The following NRXN1 variants were observed in gnomAD, a reference collection of about 807,000 sequenced individuals.
NRXN1 encodes neurexin 1.
Under a neutral mutation model 150.9 loss-of-function variants are expected in NRXN1, and 39 were observed. That is an observed-to-expected ratio of 0.26 (90% CI 0.20 to 0.34). NRXN1 has a LOEUF of 0.34. NRXN1 is among the 10% of genes least tolerant of loss of function. NRXN1 has a pLI of 1.00. For synonymous variants in NRXN1, 924 were observed against 757.0 expected, an observed-to-expected ratio of 1.22 and a Z score of -3.62; for missense variants, 1,815 against 1,949.9, an observed-to-expected ratio of 0.93 and a Z score of 1.30.
chr2:51,021,810 A>G (rs1376188489), intron 2 of NRXN1, among the ~76,000 whole-genome samples: 3 of 152,088 alleles, frequency 2.0e-5, no homozygotes, highest in African/African-American at 7.2e-5. Context: ...TATCTTCAAT[A>G]AGCTATTAAT....
At chr2:50,540,777 G>A (rs1346815022) in intron 9 of NRXN1, among the ~76,000 whole-genome samples, 2 of 151,750 alleles carry the variant, frequency 1.3e-5, no homozygotes, top group South Asian at 2.1e-4. Flanking sequence ...CTCTCATGCC[G>A]CAGCCTCCCA....
chr2:50,231,709 T>G (rs569418864), intron 18 of NRXN1, among the ~76,000 whole-genome samples: 8 of 152,130 alleles, frequency 5.3e-5, no homozygotes, highest in African/African-American at 9.6e-5. Context: ...CCAATGCACA[T>G]GTTAATATTT....
intron 18 of NRXN1, among the ~76,000 whole-genome samples, chr2:50,231,131 G>A (rs1258459446): frequency 1.3e-5 from 2 of 152,032 alleles, no homozygotes; most frequent in African/African-American, 4.8e-5. Context: ...TGATTTACAG[G>A]ACTGAATCTG....
intron 17 of NRXN1, among the ~76,000 whole-genome samples, chr2:50,338,677 A>AT (rs776687652): frequency 1.3e-5 from 2 of 151,758 alleles, no homozygotes; most frequent in African/African-American, 2.4e-5. Flanking sequence ...CTTCTTTCAA[A>AT]TGTGCTTGGA....
intron 18 of NRXN1, among the ~76,000 whole-genome samples, chr2:50,153,699 G>T (rs957573489): frequency 2.6e-5 from 4 of 151,694 alleles, no homozygotes; most frequent in Admixed American, 1.3e-4. Flanking sequence ...TCCAAAAAAA[G>T]AAAGAAGAAA....
At chr2:50,352,901 A>C (rs2078527931) in intron 17 of NRXN1, among the ~76,000 whole-genome samples, 1 of 151,846 alleles carries the variant, frequency 6.6e-6, no homozygotes, top group South Asian at 2.1e-4. Context: ...TTATTTATGA[A>C]GTGTTTATTT....
intron 17 of NRXN1, among the ~76,000 whole-genome samples, chr2:50,242,958 C>T (rs1033976387): frequency 2.0e-5 from 3 of 151,446 alleles, no homozygotes; most frequent in African/African-American, 7.3e-5. Context: ...CAGGTCGAAA[C>T]AAAAAATGTC....
At chr2:50,877,811 G>A (rs1678831592) in intron 5 of NRXN1, among the ~76,000 whole-genome samples, 1 of 151,892 alleles carries the variant, frequency 6.6e-6, no homozygotes, top group South Asian at 2.1e-4. Context: ...GAGGAGCTTA[G>A]CAAAGCCATG....
At chr2:50,949,039 G>A (rs1469871534) in intron 2 of NRXN1, among the ~76,000 whole-genome samples, 1 of 151,934 alleles carries the variant, frequency 6.6e-6, no homozygotes, top group African/African-American at 2.4e-5. Context: ...TAAACCCAAG[G>A]AAATATATAT....
chr2:50,821,248 C>T (rs1004784091), intron 5 of NRXN1, among the ~76,000 whole-genome samples: 10 of 152,198 alleles, frequency 6.6e-5, no homozygotes, highest in African/African-American at 2.2e-4. Context: ...CAGCCCAACA[C>T]AAATTCTTAA....
intron 17 of NRXN1, among the ~76,000 whole-genome samples, chr2:50,355,859 C>A (rs1214002815): frequency 1.3e-5 from 2 of 152,076 alleles, no homozygotes; most frequent in Non-Finnish European, 2.9e-5. Flanking sequence ...TTAAAATCAC[C>A]AAAGCCAACA....
chr2:50,018,859 A>C (rs1687048725), intron 21 of NRXN1, among the ~76,000 whole-genome samples: 1 of 152,242 alleles, frequency 6.6e-6, no homozygotes, highest in Non-Finnish European at 1.5e-5. Context: ...TAACAAGAGA[A>C]ATAGGCACAG....
At chr2:50,276,698 C>T (rs1326536502) in intron 17 of NRXN1, among the ~76,000 whole-genome samples, 1 of 152,156 alleles carries the variant, frequency 6.6e-6, no homozygotes, top group African/African-American at 2.4e-5. Flanking sequence ...AACTTGACAA[C>T]ATTGTAATCT....
intron 16 of NRXN1, among the ~76,000 whole-genome samples, chr2:50,468,118 G>T (rs927334806): frequency 6.6e-6 from 1 of 151,600 alleles, no homozygotes; most frequent in Non-Finnish European, 1.5e-5. Flanking sequence ...ATAGCTATTT[G>T]CTCTCTGACC....
chr2:50,809,098 GAATCAGAC>G (rs1667885089), intron 5 of NRXN1, among the ~76,000 whole-genome samples: 1 of 152,072 alleles, frequency 6.6e-6, no homozygotes, highest in Non-Finnish European at 1.5e-5. Context: ...TACAGATTAA[GAATCAGAC>G]AATCAGGGTC....
intron 18 of NRXN1, among the ~76,000 whole-genome samples, chr2:50,195,641 C>A (rs541170891): frequency 1.3e-5 from 2 of 152,262 alleles, no homozygotes; most frequent in South Asian, 4.1e-4. Context: ...ACTCTCCTCC[C>A]TCTTCCCAAG....
intron 17 of NRXN1, 132 bp from the exon 18 acceptor site, chr2:50,237,102 C>A (rs2065522722): frequency 1.1e-6 from 1 of 925,354 alleles, no homozygotes; most frequent in Admixed American, 2.0e-5. Flanking sequence ...TCATAGATTT[C>A]AATCAAATGT....
chr2:50,433,164 T>C (rs1050238979), intron 17 of NRXN1, among the ~76,000 whole-genome samples: 3 of 152,220 alleles, frequency 2.0e-5, no homozygotes, highest in African/African-American at 7.2e-5. Flanking sequence ...TAAAGCTCCT[T>C]GGTATTTGAT....
chr2:50,628,989 A>T (rs1054001826), intron 5 of NRXN1, among the ~76,000 whole-genome samples: 1 of 151,742 alleles, frequency 6.6e-6, no homozygotes, highest in Non-Finnish European at 1.5e-5. Flanking sequence ...AAAAAAATCC[A>T]GTGTCAGTGA....
Sources: allele counts gnomAD v4.1 joint callset (sites outside exome capture counted in the v4.1 genomes callset), GRCh38; gene constraint gnomAD v4.1.1; transcripts MANE v1.5; gene names NCBI Gene and HGNC (gene_info 2026-07-23, HGNC 2026-07-21).